The following BBIP1 variants were observed in gnomAD, a reference collection of about 807,000 sequenced individuals.
The protein encoded by BBIP1 is BBSome-interacting protein 1.
A neutral mutation model predicts 8.9 loss-of-function variants in BBIP1; 6 were observed. The observed-to-expected ratio is 0.67, with a 90% CI of 0.37 to 1.33. BBIP1 has a LOEUF of 1.33. Among genes scored for constraint, BBIP1 ranks in the 40% most tolerant of loss-of-function variants. The pLI, the probability that BBIP1 is intolerant of heterozygous loss-of-function variation, is 0.02. For missense variants in BBIP1, 111 were observed against 109.2 expected, an observed-to-expected ratio of 1.02 and a Z score of -0.07; for synonymous variants, 32 against 33.4, an observed-to-expected ratio of 0.96 and a Z score of 0.14.
At chr10:110,904,187 G>C (rs1445094234) in intron 2 of BBIP1, 4 of 152,174 alleles carry the variant, frequency 2.6e-5, no homozygotes, top group African/African-American at 7.2e-5. Context: ...AAACATAACA[G>C]CTATGGCTGA....
intron 1 of BBIP1, among the ~76,000 whole-genome samples, chr10:110,918,471 G>A (rs534251529): frequency 1.3e-5 from 2 of 152,320 alleles, no homozygotes; most frequent in African/African-American, 4.8e-5. Flanking sequence ...TATAGGTGAA[G>A]GTGGAAAATG....
At chr10:110,902,334 A>G (rs910391066) in intron 2 of BBIP1, 4 of 152,674 alleles carry the variant, frequency 2.6e-5, no homozygotes, top group African/African-American at 9.6e-5. Flanking sequence ...TCCAAGTATT[A>G]CAGTCAAGAT....
chr10:110,907,068 T>G (rs1846161758), intron 2 of BBIP1: 1 of 152,266 alleles, frequency 6.6e-6, no homozygotes, highest in Non-Finnish European at 1.5e-5. Flanking sequence ...ACTACTTACT[T>G]AATAATTAGC....
rs1282438384 is a variant in BBIP1, at chr10:110,918,111, T to C, written c.37+10A>G. ...TTGACTGGCTGGATATTAACCATTT[T>C]CAATTTTACCTGAAAGTTCTGGTCT... On this transcript the variant is annotated intron_variant, in intron 2 of 3. Coordinates refer to ENST00000448814, the MANE Select transcript of BBIP1 (RefSeq NM_001195305.3). The C allele has an allele frequency of 8.5e-6, 13 of 1,535,270 alleles. No individual in the cohort carries two copies. Among genetic ancestry groups the C allele is most frequent in the South Asian group, 2.4e-5 (2 of 84,042 alleles).
intron 2 of BBIP1, chr10:110,912,228 GAAAT>G (rs898347635): frequency 2.6e-4 from 38 of 145,282 alleles, no homozygotes; most frequent in Non-Finnish European, 6.0e-5. Context: ...ATGCCATTCT[GAAAT>G]AAATCTCTTA....
intron 2 of BBIP1, chr10:110,907,846 A>C: frequency 1.5e-6 from 1 of 678,806 alleles, no homozygotes; most frequent in South Asian, 1.6e-5. Flanking sequence ...CCTGGGAAGG[A>C]AAAAAGTTAA....
intron 2 of BBIP1, among the ~76,000 whole-genome samples, chr10:110,913,926 C>CA (rs911594006): frequency 6.6e-6 from 1 of 152,096 alleles, no homozygotes; most frequent in African/African-American, 2.4e-5. Flanking sequence ...GGAAATTTCA[C>CA]AAAAAATCCA....
chr10:110,916,322 G>A (rs112664685), intron 2 of BBIP1, among the ~76,000 whole-genome samples: 2 of 152,082 alleles, frequency 1.3e-5, no homozygotes, highest in Admixed American at 6.5e-5. Flanking sequence ...TATCTTTCAT[G>A]ATCAAATATA....
At chr10:110,914,442 G>A (rs1040829987) in intron 2 of BBIP1, among the ~76,000 whole-genome samples, 12 of 151,700 alleles carry the variant, frequency 7.9e-5, no homozygotes, top group Non-Finnish European at 1.2e-4. Context: ...CTAGATTTCT[G>A]AATGTAAATA....
intron 1 of BBIP1, 38 bp from the exon 2 acceptor site, chr10:110,918,251 A>T: frequency 9.4e-7 from 1 of 1,066,282 alleles, no homozygotes; most frequent in Non-Finnish European, 1.4e-6. Flanking sequence ...AAAGGGCCAT[A>T]TAAAAGCAAT....
At chr10:110,911,650 C>CAT (rs1244760422) in intron 2 of BBIP1, 2 of 151,484 alleles carry the variant, frequency 1.3e-5, no homozygotes, top group Non-Finnish European at 2.9e-5. Context: ...ATTGGGTACA[C>CAT]ATATATATAT....
At chr10:110,905,634 G>A (rs771405308) in intron 2 of BBIP1, among the ~76,000 whole-genome samples, 74 of 151,692 alleles carry the variant, frequency 4.9e-4, no homozygotes, top group Non-Finnish European at 1.5e-4. Context: ...ATGGGTGTGA[G>A]ACCAGACTAG....
intron 2 of BBIP1, among the ~76,000 whole-genome samples, chr10:110,906,027 G>A (rs1417331907): frequency 7.0e-6 from 1 of 142,970 alleles, no homozygotes; most frequent in Non-Finnish European, 1.5e-5. Flanking sequence ...TTTTGAGACG[G>A]AGTCTTGCTC....
At position 110,901,899 on chromosome 10, in the gene BBIP1, G is replaced by T; in HGVS notation, c.38-287C>A. 4 of 359,180 alleles carry T rather than the reference G, an allele frequency of 1.1e-5. No homozygotes were observed. The South Asian group carries it at 1.2e-4, about 11-fold the overall frequency. The allele number at this position is 359,180 out of a possible 1,614,324, so 22.2% of individuals were successfully genotyped here. On this transcript the variant is annotated intron_variant, in intron 2 of 3. Transcript: ENST00000448814. ...GTAGAGCTTCAGTTTTTAAGGCAAA[G>T]ATGATTAATATCATCTGAGGAAAAG...
In BBIP1 at chr10:110,910,446, A is replaced by G. The variant is rs1179969067; in HGVS notation, c.37+7675T>C. On this transcript the variant is annotated intron_variant, in intron 2 of 3. Transcript: ENST00000448814. Reference sequence around the variant, plus strand: ...TAACTGGATGGTTCTAAGCAGTTACATGACATGATTCATGTTTTGGAAACA... The same window carrying G: ...TAACTGGATGGTTCTAAGCAGTTACGTGACATGATTCATGTTTTGGAAACA... The G allele has an allele frequency of 2.6e-5, 4 of 152,234 alleles. No individual in the cohort carries two copies. The East Asian group carries it at 5.8e-4, about 22-fold the overall frequency. The allele number at this position is 152,234 out of a possible 1,614,324, so 9.4% of individuals were successfully genotyped here. A position where few individuals can be genotyped will look rare whatever the true frequency, so the allele number is the denominator to read the frequency against.
intron 2 of BBIP1, chr10:110,911,447 C>T (rs1374846097): frequency 6.6e-6 from 1 of 151,960 alleles, no homozygotes; most frequent in Admixed American, 6.5e-5. Context: ...AATAGCAACA[C>T]AGTGTTTAGT....
intron 2 of BBIP1, among the ~76,000 whole-genome samples, chr10:110,913,007 C>T (rs932304722): frequency 6.6e-6 from 1 of 152,138 alleles, no homozygotes; most frequent in Non-Finnish European, 1.5e-5. Flanking sequence ...CTAAATAAAA[C>T]AGAAGCTTAT....
chr10:110,916,332 A>C (rs1590760469), intron 2 of BBIP1, among the ~76,000 whole-genome samples: 1 of 152,286 alleles, frequency 6.6e-6, no homozygotes, highest in East Asian at 1.9e-4. Flanking sequence ...GATCAAATAT[A>C]AGTCTAGGCT....
At chr10:110,914,365 C>A (rs1326634517) in intron 2 of BBIP1, among the ~76,000 whole-genome samples, 1 of 151,878 alleles carries the variant, frequency 6.6e-6, no homozygotes, top group Non-Finnish European at 1.5e-5. Context: ...GGTAGAATAA[C>A]AAAATTTTTA....
Sources: allele counts gnomAD v4.1 joint callset (sites outside exome capture counted in the v4.1 genomes callset), GRCh38; gene constraint gnomAD v4.1.1; transcripts MANE v1.5; gene names NCBI Gene and HGNC (gene_info 2026-07-23, HGNC 2026-07-21).